Variants in ATP8A2 observed in about 807,000 individuals in gnomAD.
ATP8A2 encodes ATPase phospholipid transporting 8A2.
A neutral mutation model predicts 165.6 loss-of-function variants in ATP8A2; 100 were observed. The observed-to-expected ratio is 0.60, with a 90% CI of 0.51 to 0.71. ATP8A2 has a LOEUF of 0.71. Among genes scored for constraint, ATP8A2 ranks in the 30% least tolerant of loss-of-function variants. The pLI is 0.00. For missense variants in ATP8A2, 1,227 were observed against 1,479.5 expected (o/e 0.83, Z 2.80); for synonymous variants, 543 against 548.8 (o/e 0.99, Z 0.15).
chr13:25,705,774 G>A (rs1025288019), intron 25 of ATP8A2, among the ~76,000 whole-genome samples: 2 of 152,232 alleles, frequency 1.3e-5, no homozygotes, highest in African/African-American at 4.8e-5. Context: ...ACAATTGGTT[G>A]TGAAGTCTTG....
At chr13:25,983,875 A>G (rs1004300263) in intron 35 of ATP8A2, among the ~76,000 whole-genome samples, 1 of 152,154 alleles carries the variant, frequency 6.6e-6, no homozygotes, top group Non-Finnish European at 1.5e-5. Context: ...AGAGTGCCCA[A>G]GGAAAATTAG....
chr13:25,611,406 G>T (rs559519238), intron 24 of ATP8A2, among the ~76,000 whole-genome samples: 1 of 152,102 alleles, frequency 6.6e-6, no homozygotes, highest in Non-Finnish European at 1.5e-5. Flanking sequence ...AGATGATCAT[G>T]TGATTTTTGT....
intron 24 of ATP8A2, among the ~76,000 whole-genome samples, chr13:25,629,051 G>A (rs2041173707): frequency 6.6e-6 from 1 of 152,142 alleles, no homozygotes; most frequent in Admixed American, 6.6e-5. Flanking sequence ...GTTGGCCACT[G>A]TCCTTGTAAC....
intron 29 of ATP8A2, among the ~76,000 whole-genome samples, 167 bp downstream of exon 29, chr13:25,837,452 C>G (rs1439955769): frequency 7.3e-5 from 11 of 151,640 alleles, no homozygotes; most frequent in Non-Finnish European, 1.5e-4. Flanking sequence ...CACACACACA[C>G]ACACACACAC....
rs537272754 is a variant in ATP8A2, at chr13:25,898,089, C to T, written c.3183+35681C>T. ...TCTGTTGCTGGTGAGGAGCTGCATT[C>T]CTTTGGAGGTGCTCTGATTTTTAGA... On this transcript the variant is annotated intron_variant, in intron 33 of 36. Transcript: ENST00000381655. Among the ~76,000 whole-genome samples, 12 of 152,234 alleles carry T rather than the reference C, an allele frequency of 7.9e-5. No individual in the cohort carries two copies. The East Asian group carries it at 2.1e-3, about 27-fold the overall frequency.
At chr13:25,769,013 G>A (rs2138288638) in intron 25 of ATP8A2, 33 bp from the exon 26 acceptor site, 1 of 1,598,338 alleles carries the variant, frequency 6.3e-7, no homozygotes, top group Non-Finnish European at 8.6e-7. Flanking sequence ...GGAAAGACAT[G>A]CATAGCTCTG....
At chr13:25,943,670 C>T (rs1005574741) in intron 33 of ATP8A2, among the ~76,000 whole-genome samples, 1 of 152,200 alleles carries the variant, frequency 6.6e-6, no homozygotes, top group African/African-American at 2.4e-5. Context: ...ACCTGTCGAT[C>T]TCTGCCTGTA....
intron 27 of ATP8A2, among the ~76,000 whole-genome samples, chr13:25,816,624 T>G (rs1261537156): frequency 6.6e-6 from 1 of 152,254 alleles, no homozygotes; most frequent in African/African-American, 2.4e-5. Context: ...TGGACAGAGA[T>G]GGTGTCTCAC....
chr13:25,382,683 G>A (rs1465906706), intron 1 of ATP8A2, among the ~76,000 whole-genome samples: 1 of 151,906 alleles, frequency 6.6e-6, no homozygotes, highest in Non-Finnish European at 1.5e-5. Context: ...CATGACATAT[G>A]ACGTTGAGAA....
chr13:25,529,674 A>G (rs1454974681), intron 2 of ATP8A2, among the ~76,000 whole-genome samples: 2 of 152,198 alleles, frequency 1.3e-5, no homozygotes, highest in Non-Finnish European at 2.9e-5. Context: ...GGAACATCGA[A>G]TTGTTATTCA....
chr13:25,671,679 G>C (rs1179961949), intron 24 of ATP8A2, among the ~76,000 whole-genome samples: 1 of 151,612 alleles, frequency 6.6e-6, no homozygotes, highest in African/African-American at 2.4e-5. Flanking sequence ...TGGTCAGACC[G>C]GTTGATCTCA....
intron 2 of ATP8A2, among the ~76,000 whole-genome samples, chr13:25,495,595 G>C (rs2036650895): frequency 6.7e-6 from 1 of 150,352 alleles, no homozygotes; most frequent in South Asian, 2.1e-4. Context: ...AAGAAGCTGG[G>C]ACCACAGGCA....
chr13:26,013,512 T>C (rs1388456366), intron 36 of ATP8A2, among the ~76,000 whole-genome samples: 1 of 152,058 alleles, frequency 6.6e-6, no homozygotes, highest in Non-Finnish European at 1.5e-5. Flanking sequence ...TCGTCTCTAC[T>C]AAAAATACAA....
chr13:25,439,311 C>A (rs1188447100), intron 1 of ATP8A2, among the ~76,000 whole-genome samples: 3 of 152,124 alleles, frequency 2.0e-5, no homozygotes, highest in Non-Finnish European at 4.4e-5. Flanking sequence ...TCCCGGGAGG[C>A]AGGAAATGCT....
chr13:25,659,574 G>A (rs1230851404), intron 24 of ATP8A2, among the ~76,000 whole-genome samples: 7 of 152,210 alleles, frequency 4.6e-5, no homozygotes, highest in Admixed American at 4.6e-4. Flanking sequence ...GAGCAAAGAT[G>A]TAAGGCAAAT....
chr13:25,674,362 CT>C, intron 24 of ATP8A2, among the ~76,000 whole-genome samples: 1 of 151,930 alleles, frequency 6.6e-6, no homozygotes, highest in East Asian at 1.9e-4. Flanking sequence ...GCAAAATAGG[CT>C]TTTCAATAAA....
At chr13:25,512,774 A>G (rs1175258541) in intron 2 of ATP8A2, among the ~76,000 whole-genome samples, 32 of 106,118 alleles carry the variant, frequency 3.0e-4, no homozygotes, top group African/African-American at 9.8e-4. Flanking sequence ...GCGGCTGGCC[A>G]GGCAGGGGGC....
chr13:25,410,139 C>A (rs1478454868), intron 1 of ATP8A2, among the ~76,000 whole-genome samples: 8 of 151,598 alleles, frequency 5.3e-5, no homozygotes, highest in African/African-American at 1.9e-4. Context: ...ACCACATAAA[C>A]CCCATTAGCG....
Position 25,395,643 on chromosome 13 carries a change from C to T in ATP8A2, c.76+23355C>T, listed in dbSNP as rs143077209. Among the ~76,000 whole-genome samples the T allele has an allele frequency of 2.9e-3, 442 of 152,226 alleles. 2 individuals are homozygous for T. The highest frequency in any genetic ancestry group is 0.01 in the African/African-American group (418 of 41,564). On this transcript the variant is annotated intron_variant, in intron 1 of 36. Coordinates refer to ENST00000381655, the MANE Select transcript of ATP8A2 (RefSeq NM_016529.6). ...CTTGAACTCCTGGGCTCAAACGATC[C>T]TCCCAGCTCAGTCTATTGAGTATCT...
Sources: allele counts gnomAD v4.1 joint callset (sites outside exome capture counted in the v4.1 genomes callset), GRCh38; gene constraint gnomAD v4.1.1; transcripts MANE v1.5; gene names NCBI Gene and HGNC (gene_info 2026-07-23, HGNC 2026-07-21).